KRCC1: variants seen among roughly 807,000 people sequenced by gnomAD.
KRCC1 encodes the protein lysine rich coiled-coil 1, also known as lysine-rich coiled-coil protein 1.
KRCC1 carries 3 observed loss-of-function variants against 7.4 expected under a neutral mutation model. The observed-to-expected ratio is 0.40, with a 90% confidence interval of 0.18 to 1.04. KRCC1 has a LOEUF of 1.04. KRCC1 is among the 50% of genes least tolerant of loss of function. KRCC1 has a pLI of 0.33. For missense variants in KRCC1, 277 were observed against 300.9 expected, an observed-to-expected ratio of 0.92 and a Z score of 0.59; for synonymous variants, 102 against 101.6, an observed-to-expected ratio of 1.00 and a Z score of -0.02.
chr2:88,049,276 T>C (rs1673412756), intron 1 of KRCC1, among the ~76,000 whole-genome samples: 1 of 152,238 alleles, frequency 6.6e-6, no homozygotes, highest in Non-Finnish European at 1.5e-5. Context: ...CTTGTGAAGT[T>C]AGTTTTACTT....
At position 88,028,036 on chromosome 2, in the gene KRCC1, A is replaced by C; in HGVS notation, c.528T>G (p.Ser176=). 6.2e-7 allele frequency: 1 copy of C among 1,613,780 alleles called. No homozygotes were observed. ...EGREKSEEER[S]KHKRKKSCEE... ...CGCAGCTTTTTTTTCTCTTATGCTTAGACCGCTCCTCCTCTGATTTTTCTC... is the reference window on the plus strand; with the variant it reads ...CGCAGCTTTTTTTTCTCTTATGCTTCGACCGCTCCTCCTCTGATTTTTCTC... Residue 176 remains serine, a synonymous_variant, in exon 4 of 4, where the codon TCT becomes TCG. Transcript: ENST00000347055.
intron 1 of KRCC1, among the ~76,000 whole-genome samples, chr2:88,049,312 A>C (rs997830677): frequency 6.6e-6 from 1 of 152,184 alleles, no homozygotes; most frequent in Non-Finnish European, 1.5e-5. Flanking sequence ...ATCCTACATC[A>C]AAGAACATCA....
chr2:88,042,736 T>A (rs1673239819), intron 1 of KRCC1, among the ~76,000 whole-genome samples: 1 of 152,156 alleles, frequency 6.6e-6, no homozygotes, highest in Admixed American at 6.5e-5. Flanking sequence ...TTTTTAAAAT[T>A]CAAATGATCT....
chr2:88,039,544 C>T (rs926757357), intron 1 of KRCC1, among the ~76,000 whole-genome samples: 1 of 151,658 alleles, frequency 6.6e-6, no homozygotes, highest in Admixed American at 6.6e-5. Flanking sequence ...AAAAATTAGC[C>T]GGGCATGTTG....
chr2:88,029,889 C>T (rs1382907563), intron 3 of KRCC1, among the ~76,000 whole-genome samples: 2 of 148,288 alleles, frequency 1.3e-5, no homozygotes, highest in African/African-American at 5.0e-5. Flanking sequence ...GCCCTATCAC[C>T]CAGGCTGGAG....
chr2:88,052,174 T>C (rs920517506), intron 1 of KRCC1, among the ~76,000 whole-genome samples: 1 of 152,260 alleles, frequency 6.6e-6, no homozygotes, highest in Non-Finnish European at 1.5e-5. Context: ...TGTAATACAT[T>C]TTCTCATTTG....
Position 88,027,667 on chromosome 2 carries a change from T to C in KRCC1, c.*117A>G. ...GCTAAACACTTTGTTTACTAGGCCTTTGTTAGAAGTTAAAGAACCTATTCA... is the reference window on the plus strand; with the variant it reads ...GCTAAACACTTTGTTTACTAGGCCTCTGTTAGAAGTTAAAGAACCTATTCA... On this transcript the variant is annotated 3_prime_UTR_variant, in exon 4 of 4. Coordinates refer to ENST00000347055, the MANE Select transcript of KRCC1 (RefSeq NM_016618.3). 1 of 847,146 alleles carries C rather than the reference T, an allele frequency of 1.2e-6. No individual in the cohort carries two copies. Among genetic ancestry groups the C allele is most frequent in the Non-Finnish European group, 1.8e-6 (1 of 554,068 alleles). 52.5% of individuals were successfully genotyped at this position (847,146 alleles called of 1,614,324 possible). A position where few individuals can be genotyped will look rare whatever the true frequency, so the allele number is the denominator to read the frequency against.
At chr2:88,038,611 A>G (rs1673142030) in intron 1 of KRCC1, among the ~76,000 whole-genome samples, 1 of 152,228 alleles carries the variant, frequency 6.6e-6, no homozygotes, top group Non-Finnish European at 1.5e-5. Context: ...AAGACATAAC[A>G]AAGACTGGGT....
chr2:88,028,022 T>C lies in KRCC1; in HGVS notation c.542A>G (p.Lys181Arg), dbSNP rs746958031. Residue 181 changes from lysine (K) to arginine (R), a missense_variant, in exon 4 of 4, where the codon AAA becomes AGA. Transcript: ENST00000347055. Reference protein sequence around the residue: ...SEEERSKHKRKKSCEEIDLDK... With the variant: ...SEEERSKHKRRKSCEEIDLDK... ...TAAGTCAATTTCCTCGCAGCTTTTT[T>C]TTCTCTTATGCTTAGACCGCTCCTC... 7 of 1,614,114 alleles carry C rather than the reference T, an allele frequency of 4.3e-6. No individual in the cohort carries two copies. Among genetic ancestry groups the C allele is most frequent in the Non-Finnish European group, 4.2e-6 (5 of 1,180,014 alleles).
chr2:88,047,578 G>C (rs996573485), intron 1 of KRCC1, among the ~76,000 whole-genome samples: 2 of 152,204 alleles, frequency 1.3e-5, no homozygotes, highest in African/African-American at 2.4e-5. Flanking sequence ...TCCCAGGCTA[G>C]AGTGCGGTGG....
At chr2:88,034,594 T>C (rs549857652) in intron 2 of KRCC1, among the ~76,000 whole-genome samples, 1 of 152,334 alleles carries the variant, frequency 6.6e-6, no homozygotes, top group East Asian at 1.9e-4. Context: ...TGAATTAGCA[T>C]AGTCATTACT....
At chr2:88,053,632 T>A (rs1004059645) in intron 1 of KRCC1, among the ~76,000 whole-genome samples, 1 of 152,232 alleles carries the variant, frequency 6.6e-6, no homozygotes, top group Admixed American at 6.5e-5. Flanking sequence ...ATCATTTGGT[T>A]GCAATGACTA....
intron 1 of KRCC1, among the ~76,000 whole-genome samples, chr2:88,040,136 C>A (rs568569453): frequency 3.0e-4 from 45 of 152,068 alleles, no homozygotes; most frequent in Non-Finnish European, 5.9e-4. Context: ...AATTTCCTTC[C>A]TGGTTCAACC....
At chr2:88,051,599 A>G (rs1163779211) in intron 1 of KRCC1, among the ~76,000 whole-genome samples, 2 of 152,256 alleles carry the variant, frequency 1.3e-5, no homozygotes, top group Non-Finnish European at 2.9e-5. Flanking sequence ...TGAAATTTTA[A>G]TGAAAGATAT....
At chr2:88,049,221 C>T (rs939115177) in intron 1 of KRCC1, among the ~76,000 whole-genome samples, 3 of 152,074 alleles carry the variant, frequency 2.0e-5, no homozygotes, top group Admixed American at 6.6e-5. Flanking sequence ...TCTTTGAATG[C>T]CAATAATCAT....
chr2:88,035,486 G>A (rs908039202), intron 2 of KRCC1, among the ~76,000 whole-genome samples: 2 of 152,094 alleles, frequency 1.3e-5, no homozygotes, highest in African/African-American at 4.8e-5. Flanking sequence ...CAGGGCCTTA[G>A]AATAAAAAGA....
chr2:88,032,454 G>T (rs1248829993), intron 3 of KRCC1, among the ~76,000 whole-genome samples: 1 of 152,104 alleles, frequency 6.6e-6, no homozygotes, highest in Non-Finnish European at 1.5e-5. Context: ...TGTAGCCTAG[G>T]AGCAATAGGC....
intron 1 of KRCC1, among the ~76,000 whole-genome samples, chr2:88,043,045 G>C (rs566022599): frequency 6.6e-6 from 1 of 152,072 alleles, no homozygotes. Context: ...TCCTTCTTAC[G>C]GGTCTGATCT....
chr2:88,043,646 A>T (rs1317967049), intron 1 of KRCC1, among the ~76,000 whole-genome samples: 1 of 152,210 alleles, frequency 6.6e-6, no homozygotes, highest in Non-Finnish European at 1.5e-5. Context: ...ACAATGTATT[A>T]GGTACTGTTC....
Sources: allele counts gnomAD v4.1 joint callset (sites outside exome capture counted in the v4.1 genomes callset), GRCh38; gene constraint gnomAD v4.1.1; transcripts MANE v1.5; gene names NCBI Gene and HGNC (gene_info 2026-07-23, HGNC 2026-07-21).